The following UBE3C variants were observed in gnomAD, a reference collection of about 807,000 sequenced individuals.
UBE3C encodes the protein ubiquitin protein ligase E3C, also known as ubiquitin-protein ligase E3C.
In UBE3C, 42 loss-of-function variants were observed where a neutral mutation model predicts 129.4. The ratio of observed to expected loss-of-function variants is 0.32; its 90% CI spans 0.25 to 0.42. The LOEUF (loss-of-function observed/expected upper bound fraction) is 0.42, where lower values mean the gene tolerates loss of function less well. UBE3C is among the 10% of genes least tolerant of loss of function. The pLI, the probability that UBE3C is intolerant of heterozygous loss-of-function variation, is 1.00. For missense variants in UBE3C, 1,049 were observed against 1,319.1 expected (o/e 0.80, Z 3.17); for synonymous variants, 510 against 492.4 (o/e 1.04, Z -0.47).
intron 1 of UBE3C, among the ~76,000 whole-genome samples, chr7:157,154,744 A>C (rs190495944): frequency 1.3e-5 from 2 of 152,138 alleles, no homozygotes; most frequent in Non-Finnish European, 2.9e-5. Context: ...TGGATACTTC[A>C]TTTTTTCTCT....
rs1475464935 is a variant in UBE3C, at chr7:157,182,139, T to C, written c.802T>C (p.Phe268Leu). 1 of 1,594,656 alleles carries C rather than the reference T, an allele frequency of 6.3e-7. No individual in the cohort carries two copies. The highest frequency in any genetic ancestry group is 8.5e-7 in the Non-Finnish European group (1 of 1,174,040). ...AGTTTTTACAGCCTTCACAGAGGAG[T>C]TTCTGGCAGCACCTTTTACAGATCA... ...QQVFTAFTEE[F>L]LAAPFTDQIF... is the part of the protein sequence containing the mutation. Residue 268 changes from phenylalanine to leucine, a missense_variant, in exon 8 of 23, where the codon TTT becomes CTT. Around this residue, in one of 4 missense-constraint regions of UBE3C, gnomAD observed 489 missense variants for 513.8 expected, o/e 0.95. Transcript: ENST00000348165.
chr7:157,267,695 A>G lies in UBE3C; in HGVS notation c.3192A>G (p.Thr1064=), dbSNP rs771586088. 1.9e-6 allele frequency: 3 copies of G among 1,613,374 alleles called. No individual in the cohort carries two copies. The South Asian group carries it at 3.3e-5, about 18-fold the overall frequency. Residue 1064 remains threonine, a synonymous_variant, in exon 23 of 23, where the codon ACA becomes ACG. Transcript: ENST00000348165. ...AGCTCCCCGAGTTCTATGACGAGACACTTTTGCGAAGTAAACTTCTCTATG... is the reference window on the plus strand; with the variant it reads ...AGCTCCCCGAGTTCTATGACGAGACGCTTTTGCGAAGTAAACTTCTCTATG... ...LLKLPEFYDE[T]LLRSKLLYAI... is the part of the protein sequence containing the mutation.
intron 1 of UBE3C, among the ~76,000 whole-genome samples, chr7:157,145,897 T>C (rs1032139406): frequency 6.6e-6 from 1 of 152,340 alleles, no homozygotes; most frequent in South Asian, 2.1e-4. Context: ...ATTTGTGACA[T>C]TGGAGAACTA....
chr7:157,166,478 C>T (rs985875417), intron 2 of UBE3C, among the ~76,000 whole-genome samples: 4 of 152,172 alleles, frequency 2.6e-5, no homozygotes, highest in African/African-American at 7.2e-5. Flanking sequence ...CGATGGCTCA[C>T]GCCTGTATTC....
Position 157,248,740 on chromosome 7 carries a change from C to G in UBE3C, c.2694+160C>G, listed in dbSNP as rs566867327. The G allele has an allele frequency of 1.9e-3, 1,370 of 735,548 alleles. 4 individuals carry two copies. The highest frequency in any genetic ancestry group is 8.1e-3 in the Middle Eastern group (20 of 2,482). The allele number at this position is 735,548 out of a possible 1,614,324, so 45.6% of individuals were successfully genotyped here. A position where few individuals can be genotyped will look rare whatever the true frequency, so the allele number is the denominator to read the frequency against. Reference sequence around the variant, plus strand: ...GTCGAAGCATATAGCTCCAAAGCACCTTAGCCCTGGCGTCTGAGCTGAGTG... The same window carrying G: ...GTCGAAGCATATAGCTCCAAAGCACGTTAGCCCTGGCGTCTGAGCTGAGTG... On this transcript the variant is annotated intron_variant, in intron 19 of 22. Transcript: ENST00000348165.
At chr7:157,191,128 T>C (rs1808951429) in intron 10 of UBE3C, among the ~76,000 whole-genome samples, 1 of 152,236 alleles carries the variant, frequency 6.6e-6, no homozygotes, top group Non-Finnish European at 1.5e-5. Flanking sequence ...AACATATGCT[T>C]GATTTTTCCA....
chr7:157,211,649 C>G (rs1809599311), intron 13 of UBE3C, among the ~76,000 whole-genome samples: 1 of 152,052 alleles, frequency 6.6e-6, no homozygotes, highest in South Asian at 2.1e-4. Context: ...CAAGTGGTAA[C>G]TAAGGGCTAT....
chr7:157,171,705 T>A (rs1473260939), intron 4 of UBE3C, among the ~76,000 whole-genome samples: 4,404 of 42,762 alleles, frequency 0.1, 286 homozygotes, highest in Non-Finnish European at 0.12. Flanking sequence ...TTTTTTTTTT[T>A]TTTTTTTTTT....
Position 157,256,927 on chromosome 7 carries a change from A to G in UBE3C, c.2964A>G (p.Ala988=). Residue 988 remains alanine (A), a synonymous_variant, in exon 22 of 23, where the codon GCA becomes GCG. Transcript: ENST00000348165. ...ATTTTGCCATAGGAGGCTATTCTGC[A>G]GACCATCCTGTTATTAAGGTCTTCT... The part of the protein sequence containing the change: ...SFTNYSGGYS[A]DHPVIKVFWR... 6.2e-7 allele frequency: 1 copy of G among 1,614,184 alleles called. No homozygotes were observed.
chr7:157,242,853 T>C (rs377188347), intron 18 of UBE3C, among the ~76,000 whole-genome samples: 2 of 152,128 alleles, frequency 1.3e-5, no homozygotes, highest in South Asian at 2.1e-4. Context: ...TCAGGAGTTC[T>C]AGACCAGCCT....
intron 10 of UBE3C, chr7:157,198,441 G>C (rs997405204): frequency 1.9e-6 from 1 of 532,856 alleles, no homozygotes; most frequent in Admixed American, 2.8e-5. Context: ...CAAATCCTGT[G>C]CGCTCGGAGG....
intron 14 of UBE3C, 84 bp downstream of exon 14, chr7:157,217,055 T>TA: frequency 9.2e-7 from 1 of 1,085,334 alleles, no homozygotes; most frequent in Non-Finnish European, 1.3e-6. Flanking sequence ...TTAAGCACTT[T>TA]AAAATTATTT....
intron 19 of UBE3C, among the ~76,000 whole-genome samples, chr7:157,251,519 G>C (rs1315269008): frequency 1.3e-5 from 2 of 152,166 alleles, no homozygotes; most frequent in African/African-American, 4.8e-5. Context: ...GAAGTCACAA[G>C]ACCCCTTCCT....
In UBE3C at chr7:157,216,809, A is replaced by G. The variant is rs1052133753; in HGVS notation, c.1810-58A>G. On this transcript the variant is annotated intron_variant, in intron 13 of 22. Transcript: ENST00000348165. ...TCCTCCTCGAGTGAATGTATGGCTC[A>G]CTGTGCATTGTGCTGCCGAGCTCAC... The G allele has an allele frequency of 2.2e-6, 3 of 1,352,326 alleles. No homozygotes were observed. The African/African-American group carries it at 4.3e-5, about 20-fold the overall frequency. 83.8% of individuals were successfully genotyped at this position (1,352,326 alleles called of 1,614,324 possible). A position where few individuals can be genotyped will look rare whatever the true frequency, so the allele number is the denominator to read the frequency against.
chr7:157,179,153 GT>G (rs886255855), intron 6 of UBE3C, among the ~76,000 whole-genome samples: 2 of 151,898 alleles, frequency 1.3e-5, no homozygotes, highest in Admixed American at 6.6e-5. Flanking sequence ...GGTGTCTGCA[GT>G]GCAGCTGCCG....
chr7:157,164,945 A>G (rs1586655847), intron 2 of UBE3C, among the ~76,000 whole-genome samples: 1 of 152,130 alleles, frequency 6.6e-6, no homozygotes, highest in Admixed American at 6.5e-5. Flanking sequence ...GGATTTTCCA[A>G]CCTTGGTGCT....
chr7:157,170,495 C>T (rs1808337830), intron 4 of UBE3C, 45 bp downstream of exon 4: 1 of 1,442,810 alleles, frequency 6.9e-7, no homozygotes, highest in African/African-American at 1.5e-5. Flanking sequence ...TACACGTGTT[C>T]TGCTTTTTTG....
At chr7:157,218,094 G>A (rs751712634) in intron 14 of UBE3C, among the ~76,000 whole-genome samples, 1 of 152,074 alleles carries the variant, frequency 6.6e-6, no homozygotes, top group Admixed American at 6.6e-5. Context: ...AGAAAAAGTC[G>A]TAACTGGATT....
chr7:157,173,099 C>G (rs1002787272), intron 4 of UBE3C, among the ~76,000 whole-genome samples: 12 of 152,170 alleles, frequency 7.9e-5, no homozygotes, highest in Non-Finnish European at 1.6e-4. Context: ...GTGGGCTGGA[C>G]ACAGTGGCTC....
Sources: gnomAD v4.1 joint callset for allele counts (sites outside exome capture counted in the v4.1 genomes callset) on GRCh38, gnomAD v4.1.1 for gene constraint, gnomAD v4.1.1 regional missense constraint, MANE v1.5 for transcripts, NCBI Gene and HGNC (gene_info 2026-07-23, HGNC 2026-07-21) for gene names.